The following CNTN4 variants were observed in gnomAD, a reference collection of about 807,000 sequenced individuals.
The protein encoded by CNTN4 is contactin 4.
In CNTN4, 77 loss-of-function variants were observed where a neutral mutation model predicts 122.5. The ratio of observed to expected loss-of-function variants is 0.63; its 90% CI spans 0.52 to 0.76. CNTN4 has a LOEUF of 0.76. CNTN4 is among the 30% of genes least tolerant of loss of function. The pLI, the probability that CNTN4 is intolerant of heterozygous loss-of-function variation, is 0.00. For synonymous variants in CNTN4, 512 were observed against 447.0 expected (o/e 1.15, Z -1.83); for missense variants, 1,256 against 1,259.1 (o/e 1.00, Z 0.04).
At chr3:2,120,380 T>TATATATATATATATATATAA (rs2033660440) in intron 2 of CNTN4, among the ~76,000 whole-genome samples, 1 of 27,536 alleles carries the variant, frequency 3.6e-5, no homozygotes, top group East Asian at 8.4e-4. Context: ...TATAAATATA[T>TATATATATATATATATATAA]ATATATATAT....
At chr3:3,029,285 G>T (rs1297038196) in intron 15 of CNTN4, among the ~76,000 whole-genome samples, 1 of 152,220 alleles carries the variant, frequency 6.6e-6, no homozygotes, top group Non-Finnish European at 1.5e-5. Context: ...AGTAATACCA[G>T]TTTAGAGTTA....
chr3:2,376,311 C>A (rs2045814250), intron 3 of CNTN4, among the ~76,000 whole-genome samples: 1 of 152,138 alleles, frequency 6.6e-6, no homozygotes, highest in Non-Finnish European at 1.5e-5. Flanking sequence ...AATTAGAACA[C>A]TTTCTTGTTT....
At chr3:2,510,193 G>C (rs77898028) in intron 3 of CNTN4, among the ~76,000 whole-genome samples, 1 of 152,000 alleles carries the variant, frequency 6.6e-6, no homozygotes, top group Admixed American at 6.6e-5. Context: ...TTTCACTCCC[G>C]TCACCCCAGT....
At chr3:2,183,536 C>A (rs2149293977) in intron 2 of CNTN4, among the ~76,000 whole-genome samples, 1 of 152,120 alleles carries the variant, frequency 6.6e-6, no homozygotes, top group South Asian at 2.1e-4. Context: ...AAGGTCTGAC[C>A]ATTTGGTGAT....
chr3:2,162,200 T>C, intron 2 of CNTN4, among the ~76,000 whole-genome samples: 1 of 150,960 alleles, frequency 6.6e-6, no homozygotes, highest in East Asian at 1.9e-4. Flanking sequence ...ACTGTGTTTG[T>C]ACTTGAATTA....
chr3:2,745,454 A>G, intron 5 of CNTN4, 68 bp from the exon 6 acceptor site: 1 of 1,255,738 alleles, frequency 8.0e-7, no homozygotes. Flanking sequence ...GTTTTTATAT[A>G]TTTTAGACAA....
chr3:2,594,120 G>A (rs2080640549), intron 4 of CNTN4, among the ~76,000 whole-genome samples: 1 of 152,092 alleles, frequency 6.6e-6, no homozygotes, highest in Admixed American at 6.5e-5. Flanking sequence ...AGATTATTTT[G>A]GGAGCATAAT....
intron 2 of CNTN4, among the ~76,000 whole-genome samples, chr3:2,182,582 G>A (rs962080076): frequency 1.3e-5 from 2 of 151,984 alleles, no homozygotes; most frequent in Admixed American, 6.6e-5. Flanking sequence ...TCAAATAAAA[G>A]TGTTGAATAA....
At chr3:2,426,585 A>T (rs1193817263) in intron 3 of CNTN4, among the ~76,000 whole-genome samples, 3 of 152,192 alleles carry the variant, frequency 2.0e-5, no homozygotes, top group Non-Finnish European at 4.4e-5. Flanking sequence ...CTGGCCTCAT[A>T]AAATGAGTTA....
intron 4 of CNTN4, among the ~76,000 whole-genome samples, chr3:2,572,113 C>T (rs565942437): frequency 2.0e-4 from 31 of 152,236 alleles, no homozygotes; most frequent in South Asian, 2.1e-4. Flanking sequence ...CATGGCTGGG[C>T]GCAGTGGCTC....
At chr3:3,037,578 A>G in intron 18 of CNTN4, 3 of 497,576 alleles carry the variant, frequency 6.0e-6, no homozygotes, top group Non-Finnish European at 1.1e-5. Flanking sequence ...TAGTCCTCTC[A>G]AAAGCCAGCC....
intron 2 of CNTN4, among the ~76,000 whole-genome samples, chr3:2,305,018 T>G (rs933240130): frequency 6.6e-5 from 10 of 151,988 alleles, no homozygotes. Flanking sequence ...TAAAAAGTGA[T>G]TTTTCACTTC....
At chr3:2,235,042 T>A (rs1212185785) in intron 2 of CNTN4, among the ~76,000 whole-genome samples, 1 of 152,168 alleles carries the variant, frequency 6.6e-6, no homozygotes, top group Non-Finnish European at 1.5e-5. Context: ...TTATCTGTTG[T>A]ATAGATAACA....
At chr3:2,115,708 C>G (rs2033303028) in intron 2 of CNTN4, among the ~76,000 whole-genome samples, 1 of 152,206 alleles carries the variant, frequency 6.6e-6, no homozygotes, top group Admixed American at 6.5e-5. Flanking sequence ...TAGCTTTATT[C>G]AAAGGGAATT....
chr3:2,750,946 A>C (rs574752800), intron 6 of CNTN4, among the ~76,000 whole-genome samples: 62 of 152,266 alleles, frequency 4.1e-4, no homozygotes, highest in South Asian at 1.5e-3. Context: ...TACAGAAGAC[A>C]GTTGACATCT....
intron 2 of CNTN4, among the ~76,000 whole-genome samples, chr3:2,257,487 T>C (rs1029761391): frequency 6.6e-6 from 1 of 152,078 alleles, no homozygotes; most frequent in African/African-American, 2.4e-5. Flanking sequence ...GAAACTATCA[T>C]CAGAGTGAAC....
At chr3:3,051,977 C>G (rs1017589680) in intron 23 of CNTN4, among the ~76,000 whole-genome samples, 5 of 152,186 alleles carry the variant, frequency 3.3e-5, no homozygotes, top group Admixed American at 1.3e-4. Context: ...GTCAGAAATG[C>G]AGATTTTCAG....
chr3:2,345,306 T>C (rs1410101617), intron 3 of CNTN4, among the ~76,000 whole-genome samples: 3 of 152,168 alleles, frequency 2.0e-5, no homozygotes, highest in African/African-American at 4.8e-5. Context: ...TTTAAAAAGT[T>C]TGTTTTTGGA....
chr3:2,520,067 G>A (rs2077155231), intron 3 of CNTN4, among the ~76,000 whole-genome samples: 1 of 151,874 alleles, frequency 6.6e-6, no homozygotes, highest in South Asian at 2.1e-4. Context: ...TCATATTACA[G>A]GTATGAGTCT....
Sources: allele counts gnomAD v4.1 joint callset (sites outside exome capture counted in the v4.1 genomes callset), GRCh38; gene constraint gnomAD v4.1.1; transcripts MANE v1.5; gene names NCBI Gene and HGNC (gene_info 2026-07-23, HGNC 2026-07-21).